Variants in SP100 observed in about 807,000 individuals in gnomAD.
The protein encoded by SP100 is nuclear autoantigen Sp-100.
Under a neutral mutation model 130.0 loss-of-function variants are expected in SP100, and 84 were observed. The ratio of observed to expected loss-of-function variants is 0.65; its 90% confidence interval spans 0.54 to 0.77. The LOEUF is 0.77. SP100 is among the 30% of genes least tolerant of loss of function. SP100 has a pLI of 0.00. For synonymous variants in SP100, 331 were observed against 351.7 expected, an observed-to-expected ratio of 0.94 and a Z score of 0.66; for missense variants, 978 against 1,052.2, an observed-to-expected ratio of 0.93 and a Z score of 0.97.
intron 17 of SP100, among the ~76,000 whole-genome samples, chr2:230,478,623 G>A (rs1351002569): frequency 6.6e-6 from 1 of 152,054 alleles, no homozygotes; most frequent in African/African-American, 2.4e-5. Flanking sequence ...CCACAACTAT[G>A]GGTCGAGGGG....
In SP100 at chr2:230,461,300, A is replaced by G; in HGVS notation, c.859A>G (p.Asn287Asp). ...GCTACACAACCATGGAATCCAAATT[A>G]ATTCCTGTTCTGTGCGACTGGTGGA... ...AELHNHGIQINSCSVRLVDIK... is the reference protein window; with the variant it reads ...AELHNHGIQIDSCSVRLVDIK... Residue 287 changes from asparagine to aspartate, a missense_variant, in exon 9 of 29, where the codon AAT (asparagine) becomes GAT (aspartate). Asn to Asp is a conservative substitution (Grantham distance 23). Coordinates refer to ENST00000340126, the MANE Select transcript of SP100 (RefSeq NM_001080391.2). 1 of 1,614,080 alleles carries G rather than the reference A, an allele frequency of 6.2e-7. No individual in the cohort carries two copies. The highest frequency in any genetic ancestry group is 8.5e-7 in the Non-Finnish European group (1 of 1,179,940).
At position 230,508,311 on chromosome 2, in the gene SP100, C is replaced by CAT. The variant is rs376287053; in HGVS notation, c.2052+280_2052+281insAT. On this transcript the variant is annotated intron_variant, in intron 23 of 28. Transcript: ENST00000340126. Reference sequence around the variant, plus strand: ...TTTAGTAAAGGAGCTAAATGCCATACTTTTTTTTTTTTTTTTTTTTAAGAG... The same window carrying CAT: ...TTTAGTAAAGGAGCTAAATGCCATACATTTTTTTTTTTTTTTTTTTTTAAGAG... 5.9e-3 allele frequency: 874 copies of CAT among 148,094 alleles called. 10 individuals carry two copies. The highest frequency in any genetic ancestry group is 0.015 in the East Asian group (83 of 5,396). 9.2% of individuals were successfully genotyped at this position (148,094 alleles called of 1,614,324 possible). A position where few individuals can be genotyped will look rare whatever the true frequency, so the allele number is the denominator to read the frequency against.
intron 2 of SP100, among the ~76,000 whole-genome samples, chr2:230,441,728 G>A (rs1431360687): frequency 1.3e-5 from 2 of 152,172 alleles, no homozygotes; most frequent in Admixed American, 1.3e-4. Context: ...CTGCCTGGTT[G>A]CATATGGTCA....
At chr2:230,473,779 G>A (rs2065394185) in intron 16 of SP100, among the ~76,000 whole-genome samples, 1 of 151,908 alleles carries the variant, frequency 6.6e-6, no homozygotes, top group Non-Finnish European at 1.5e-5. Flanking sequence ...GGCTCTCTTG[G>A]TTAGGTGGTA....
At chr2:230,513,825 A>G (rs1228250895) in intron 24 of SP100, among the ~76,000 whole-genome samples, 1 of 152,274 alleles carries the variant, frequency 6.6e-6, no homozygotes, top group African/African-American at 2.4e-5. Context: ...AGCCAAGAAA[A>G]TAAACTATGT....
rs1193506734 is a variant in SP100, at chr2:230,460,592, C to CTTTT, written c.821-631_821-628dup. Among the ~76,000 whole-genome samples the CTTTT allele has an allele frequency of 1.9e-3, 32 of 17,192 alleles. 10 individuals are homozygous for CTTTT. The highest frequency in any genetic ancestry group is 8.9e-3 in the East Asian group (6 of 676). 11.3% of individuals were successfully genotyped at this position (17,192 alleles called of 152,430 possible). ...TGTCTGGGGTATTGGTAATCTGTTT[C>CTTTT]TTTTTTTTTTTTTTTTTTTTTTTTT... On this transcript the variant is annotated intron_variant, in intron 8 of 28. Coordinates refer to ENST00000340126, the MANE Select transcript of SP100 (RefSeq NM_001080391.2).
At chr2:230,521,909 C>T (rs990885815) in intron 24 of SP100, among the ~76,000 whole-genome samples, 1 of 152,194 alleles carries the variant, frequency 6.6e-6, no homozygotes, top group Non-Finnish European at 1.5e-5. Flanking sequence ...TGGGCCCAGA[C>T]AGCAAGATCT....
chr2:230,517,368 C>G (rs1424726021), intron 24 of SP100, among the ~76,000 whole-genome samples: 1 of 152,112 alleles, frequency 6.6e-6, no homozygotes, highest in Non-Finnish European at 1.5e-5. Flanking sequence ...AAAAGCAATA[C>G]AGAAAGTTGT....
chr2:230,536,094 A>G (rs1433686207), intron 24 of SP100, among the ~76,000 whole-genome samples: 1 of 152,126 alleles, frequency 6.6e-6, no homozygotes, highest in East Asian at 1.9e-4. Context: ...AAATAAGCCA[A>G]GTATATGGGA....
chr2:230,488,364 A>G (rs1022738369), intron 17 of SP100, among the ~76,000 whole-genome samples: 2 of 152,128 alleles, frequency 1.3e-5, no homozygotes, highest in Admixed American at 1.3e-4. Context: ...TGTCTCATCA[A>G]TACCTAGTTT....
chr2:230,537,166 G>A (rs1691978617), intron 24 of SP100, among the ~76,000 whole-genome samples: 1 of 152,154 alleles, frequency 6.6e-6, no homozygotes, highest in Non-Finnish European at 1.5e-5. Flanking sequence ...GGCTGAGGTG[G>A]TAGGATTACT....
chr2:230,481,048 G>GTGGTGA (rs1343212207), intron 17 of SP100, among the ~76,000 whole-genome samples: 1 of 151,626 alleles, frequency 6.6e-6, no homozygotes, highest in Non-Finnish European at 1.5e-5. Flanking sequence ...GGTGGTGGTG[G>GTGGTGA]TGGTGGTGGT....
intron 17 of SP100, among the ~76,000 whole-genome samples, chr2:230,481,060 T>TGGTGG (rs1310821797): frequency 3.7e-5 from 5 of 136,338 alleles, no homozygotes; most frequent in African/African-American, 1.1e-4. Context: ...GGTGGTGGTG[T>TGGTGG]TGGTCCCTTC....
chr2:230,518,811 A>G (rs1193984591), intron 24 of SP100, among the ~76,000 whole-genome samples: 3 of 152,198 alleles, frequency 2.0e-5, no homozygotes, highest in Non-Finnish European at 2.9e-5. Context: ...TTTTGCTGAT[A>G]ACTTAGAAGA....
intron 8 of SP100, among the ~76,000 whole-genome samples, chr2:230,460,343 T>A (rs935983233): frequency 3.3e-5 from 5 of 152,214 alleles, no homozygotes; most frequent in African/African-American, 1.2e-4. Context: ...CACAAGCATG[T>A]TGAGTAAAAT....
chr2:230,472,427 CAAAAAA>C (rs201703163), intron 15 of SP100, among the ~76,000 whole-genome samples: 1 of 61,332 alleles, frequency 1.6e-5, no homozygotes, highest in Admixed American at 2.4e-4. Flanking sequence ...GACTCCGTCT[CAAAAAA>C]AAAAAAAAAA....
chr2:230,532,811 C>T lies in SP100; in HGVS notation c.2095-6456C>T, dbSNP rs1691763255. 1.3e-5 allele frequency among the ~76,000 whole-genome samples: 2 copies of T among 152,164 alleles called. 1 individual carries two copies. The highest frequency in any genetic ancestry group is 4.1e-4 in the South Asian group (2 of 4,830). ...TTTATTTATTTTTGAGACGTAGTCTCGCTCTTTCACCCAGGCTGGAGTGCA... is the reference window on the plus strand; with the variant it reads ...TTTATTTATTTTTGAGACGTAGTCTTGCTCTTTCACCCAGGCTGGAGTGCA... On this transcript the variant is annotated intron_variant, in intron 24 of 28. Coordinates refer to ENST00000340126, the MANE Select transcript of SP100 (RefSeq NM_001080391.2).
At chr2:230,512,700 T>G (rs571149543) in intron 24 of SP100, among the ~76,000 whole-genome samples, 1 of 152,320 alleles carries the variant, frequency 6.6e-6, no homozygotes, top group African/African-American at 2.4e-5. Flanking sequence ...AGGATGATTT[T>G]GGGATGTTTC....
chr2:230,461,167 C>A, intron 8 of SP100, 95 bp from the exon 9 acceptor site: 1 of 1,201,718 alleles, frequency 8.3e-7, no homozygotes, highest in Non-Finnish European at 1.2e-6. Flanking sequence ...AAGGTCTAGC[C>A]CCAGCAGTGA....
Sources: gnomAD v4.1 joint callset for allele counts (sites outside exome capture counted in the v4.1 genomes callset) on GRCh38, gnomAD v4.1.1 for gene constraint, MANE v1.5 for transcripts, NCBI Gene and HGNC (gene_info 2026-07-23, HGNC 2026-07-21) for gene names.